SCML4: variants seen among roughly 807,000 people sequenced by gnomAD.
The protein encoded by SCML4 is sex comb on midleg-like protein 4.
SCML4 carries 34 observed loss-of-function variants against 41.1 expected under a neutral mutation model. The observed-to-expected ratio is 0.83, with a 90% confidence interval of 0.63 to 1.10. The LOEUF is 1.10. SCML4 is among the 50% of genes least tolerant of loss of function. The pLI, the probability that SCML4 is intolerant of heterozygous loss-of-function variation, is 0.00. For missense variants in SCML4, 522 were observed against 534.1 expected, an observed-to-expected ratio of 0.98 and a Z score of 0.22; for synonymous variants, 214 against 220.9, an observed-to-expected ratio of 0.97 and a Z score of 0.28.
Position 107,707,939 on chromosome 6 carries a change from T to A in SCML4, c.1046A>T (p.Glu349Val). Residue 349 changes from glutamate to valine, a missense_variant, in exon 7 of 8, where the codon GAG (glutamate) becomes GTG (valine). Coordinates refer to ENST00000369020, the MANE Select transcript of SCML4 (RefSeq NM_198081.5). Reference sequence around the variant, plus strand: ...GTCCTTCACAAACCACACCACGTCCTCCACAGTCCAGGCGGAGGGGTTCCT... The same window carrying A: ...GTCCTTCACAAACCACACCACGTCCACCACAGTCCAGGCGGAGGGGTTCCT... ...RSRNPSAWTV[E>V]DVVWFVKDAD... The A allele has an allele frequency of 1.3e-6, 2 of 1,551,582 alleles. No homozygotes were observed. The highest frequency in any genetic ancestry group is 1.7e-6 in the Non-Finnish European group (2 of 1,146,960).
chr6:107,800,492 A>C (rs550558657), intron 1 of SCML4, among the ~76,000 whole-genome samples: 1 of 152,254 alleles, frequency 6.6e-6, no homozygotes, highest in Non-Finnish European at 1.5e-5. Flanking sequence ...CCAGGATGCA[A>C]AAACCAGAAG....
rs1002767593 is a variant in SCML4, at chr6:107,777,637, G to T, written c.-59-5251C>A. 1.2e-4 allele frequency among the ~76,000 whole-genome samples: 19 copies of T among 152,226 alleles called. No individual in the cohort carries two copies. The South Asian group carries it at 3.7e-3, about 30-fold the overall frequency. The stretch of plus-strand genomic sequence containing the variant: ...AACAAAAGTAACAAAAAGGCAAAAA[G>T]GTCTTTATCAATCAGCAAAAATATC... On this transcript the variant is annotated intron_variant, in intron 1 of 7. Transcript: ENST00000369020.
At chr6:107,795,012 A>C (rs75936105) in intron 1 of SCML4, among the ~76,000 whole-genome samples, 3,977 of 152,180 alleles carry the variant, frequency 0.026, 174 homozygotes, top group African/African-American at 0.09. Context: ...GCCCACCTTA[A>C]TTTATGACCT....
At chr6:107,841,460 G>C in the SCML4 span, among the ~76,000 whole-genome samples, 1 of 152,184 alleles carries the variant, frequency 6.6e-6, no homozygotes, top group East Asian at 1.9e-4. Flanking sequence ...AGCTTCTTCC[G>C]TCATGCACTG....
chr6:107,806,912 C>T (rs961323493), intron 1 of SCML4, among the ~76,000 whole-genome samples: 8 of 152,234 alleles, frequency 5.3e-5, no homozygotes, highest in Non-Finnish European at 7.3e-5. Flanking sequence ...GAGAATGAAC[C>T]GCCTGCCCGC....
intron 1 of SCML4, among the ~76,000 whole-genome samples, chr6:107,794,412 C>T (rs915745290): frequency 6.6e-6 from 1 of 152,138 alleles, no homozygotes; most frequent in Non-Finnish European, 1.5e-5. Flanking sequence ...TCGGGCTTCT[C>T]TATGTACTAA....
At chr6:107,800,445 T>C (rs1783030519) in intron 1 of SCML4, among the ~76,000 whole-genome samples, 1 of 152,190 alleles carries the variant, frequency 6.6e-6, no homozygotes, top group African/African-American at 2.4e-5. Flanking sequence ...TCTCATCTAT[T>C]TTTTGTTTAC....
In SCML4 at chr6:107,705,083, T is replaced by A. The variant is rs1188495268; in HGVS notation, c.*117A>T. On this transcript the variant is annotated 3_prime_UTR_variant, in exon 8 of 8. Coordinates refer to ENST00000369020, the MANE Select transcript of SCML4 (RefSeq NM_198081.5). ...AAGTTTTATAAAAAGACCACGTCTC[T>A]GTGGCTGTTAATTTTAAGAGGAGAG... is the stretch of plus-strand genomic sequence containing the variant. 6 of 944,614 alleles carry A rather than the reference T, an allele frequency of 6.4e-6. No homozygotes were observed. Among genetic ancestry groups the A allele is most frequent in the Middle Eastern group, 2.2e-4 (1 of 4,504 alleles). 58.5% of individuals were successfully genotyped at this position (944,614 alleles called of 1,614,324 possible). A position where few individuals can be genotyped will look rare whatever the true frequency, so the allele number is the denominator to read the frequency against.
rs150200870 is a variant in SCML4, at chr6:107,723,918, T to C, written c.683-2925A>G. ...ATGCAGAAATCCTCAACAAAAAACC[T>C]GGCAAAACTGAACCCGGCAACATAT... On this transcript the variant is annotated intron_variant, in intron 5 of 7. Transcript: ENST00000369020. Among the ~76,000 whole-genome samples the C allele has an allele frequency of 4.3e-3, 650 of 152,106 alleles. 7 individuals carry two copies. Among genetic ancestry groups the C allele is most frequent in the African/African-American group, 0.015 (609 of 41,480 alleles).
chr6:107,828,947 A>C (rs963644180), upstream of SCML4, among the ~76,000 whole-genome samples: 1 of 152,226 alleles, frequency 6.6e-6, no homozygotes, highest in Non-Finnish European at 1.5e-5. Context: ...AAATCACAGA[A>C]TACACAAAGC....
At chr6:107,713,740 T>G (rs1348149477) in intron 6 of SCML4, among the ~76,000 whole-genome samples, 6 of 152,178 alleles carry the variant, frequency 3.9e-5, no homozygotes, top group African/African-American at 1.4e-4. Context: ...TCTTGGTTTC[T>G]GGCACCTGGA....
intron 3 of SCML4, among the ~76,000 whole-genome samples, chr6:107,747,861 A>G (rs1036523682): frequency 6.6e-6 from 1 of 152,188 alleles, no homozygotes; most frequent in Non-Finnish European, 1.5e-5. Context: ...TACAAGTTCA[A>G]CTTCATTCTA....
upstream of SCML4, among the ~76,000 whole-genome samples, chr6:107,825,342 A>G (rs1785210281): frequency 6.6e-6 from 1 of 152,238 alleles, no homozygotes; most frequent in Admixed American, 6.5e-5. Context: ...TTAGGCCACA[A>G]CCTGGCCAGT....
chr6:107,801,782 C>CT (rs375611997), intron 1 of SCML4, among the ~76,000 whole-genome samples: 2,161 of 147,274 alleles, frequency 0.015, 47 homozygotes, highest in African/African-American at 0.049. Context: ...TTATTCATTT[C>CT]TTTTTTTTTT....
intron 2 of SCML4, among the ~76,000 whole-genome samples, chr6:107,765,389 T>G (rs910516529): frequency 1.3e-5 from 2 of 152,054 alleles, no homozygotes; most frequent in African/African-American, 4.8e-5. Flanking sequence ...TCTTCAGGAG[T>G]ATTGCAAGTG....
intron 5 of SCML4, among the ~76,000 whole-genome samples, chr6:107,731,636 C>A (rs1776559136): frequency 6.6e-6 from 1 of 152,208 alleles, no homozygotes; most frequent in South Asian, 2.1e-4. Context: ...GTCTGCCCAG[C>A]CCTGCCGACC....
intron 5 of SCML4, among the ~76,000 whole-genome samples, chr6:107,729,640 C>T (rs1431350614): frequency 6.6e-6 from 1 of 152,134 alleles, no homozygotes; most frequent in Admixed American, 6.5e-5. Context: ...GCACATCAAA[C>T]AAAATGATTT....
intron 1 of SCML4, among the ~76,000 whole-genome samples, chr6:107,788,804 C>T (rs1782101831): frequency 6.6e-6 from 1 of 152,134 alleles, no homozygotes; most frequent in Admixed American, 6.5e-5. Flanking sequence ...CCTCTTATTT[C>T]ACAAAGAAAA....
At chr6:107,751,774 T>A (rs1306737157) in intron 2 of SCML4, among the ~76,000 whole-genome samples, 1 of 152,148 alleles carries the variant, frequency 6.6e-6, no homozygotes, top group East Asian at 1.9e-4. Context: ...TAGCTGGGAT[T>A]ACAGGTGCCC....
Sources: allele counts gnomAD v4.1 joint callset (sites outside exome capture counted in the v4.1 genomes callset), GRCh38; gene constraint gnomAD v4.1.1; transcripts MANE v1.5; gene names NCBI Gene and HGNC (gene_info 2026-07-23, HGNC 2026-07-21).